Variants in CDC42SE2 observed in about 807,000 individuals in gnomAD.
CDC42SE2 encodes the protein CDC42 small effector 2.
A neutral mutation model predicts 11.5 loss-of-function variants in CDC42SE2; 3 were observed. That is an observed-to-expected ratio of 0.26 (90% confidence interval 0.12 to 0.67). The LOEUF (loss-of-function observed/expected upper bound fraction) is 0.67, where lower values mean the gene tolerates loss of function less well. Among genes scored for constraint, CDC42SE2 ranks in the 30% least tolerant of loss-of-function variants. CDC42SE2 has a pLI of 0.80. For synonymous variants in CDC42SE2, 33 were observed against 34.8 expected, an observed-to-expected ratio of 0.95 and a Z score of 0.18; for missense variants, 82 against 106.8, an observed-to-expected ratio of 0.77 and a Z score of 1.02.
intron 4 of CDC42SE2, among the ~76,000 whole-genome samples, chr5:131,390,769 G>C (rs933800537): frequency 6.6e-6 from 1 of 152,160 alleles, no homozygotes; most frequent in Admixed American, 6.6e-5. Context: ...TTGTAATTTG[G>C]AAATAGAGAA....
chr5:131,260,523 T>C (rs1297718668), upstream of CDC42SE2, among the ~76,000 whole-genome samples: 2 of 147,462 alleles, frequency 1.4e-5, no homozygotes, highest in Non-Finnish European at 3.0e-5. Flanking sequence ...CTCAGGAGGC[T>C]GAAGGAGGAG....
At chr5:131,365,793 T>C (rs566049714) in intron 3 of CDC42SE2, among the ~76,000 whole-genome samples, 14 of 152,186 alleles carry the variant, frequency 9.2e-5, no homozygotes, top group Admixed American at 7.9e-4. Flanking sequence ...CCATCCTGGC[T>C]AATGTGGTGA....
chr5:131,357,178 G>A (rs1749576218), intron 2 of CDC42SE2, among the ~76,000 whole-genome samples: 1 of 152,188 alleles, frequency 6.6e-6, no homozygotes, highest in Non-Finnish European at 1.5e-5. Flanking sequence ...GATAAGGAAT[G>A]TTCATCTCTG....
chr5:131,379,246 C>G (rs1467795137), intron 3 of CDC42SE2, among the ~76,000 whole-genome samples: 1 of 152,186 alleles, frequency 6.6e-6, no homozygotes, highest in Non-Finnish European at 1.5e-5. Flanking sequence ...CACTCTGTAT[C>G]TGCTTCTAGA....
At chr5:131,349,396 G>T (rs1453707901) in intron 2 of CDC42SE2, among the ~76,000 whole-genome samples, 1 of 151,896 alleles carries the variant, frequency 6.6e-6, no homozygotes, top group Non-Finnish European at 1.5e-5. Flanking sequence ...TGTAAATGAT[G>T]AGTTAACGAG....
intron 1 of CDC42SE2, among the ~76,000 whole-genome samples, chr5:131,293,382 C>T (rs888381022): frequency 2.6e-5 from 4 of 152,018 alleles, no homozygotes; most frequent in African/African-American, 9.7e-5. Context: ...GACTAGCCTG[C>T]CCAACATGGT....
rs1289207331 is a variant in CDC42SE2 at position 131,391,104 on chromosome 5, C to A, written c.*13C>A. ...GAAGGCGGGATAGCCCTGGTCCTTT[C>A]TCCAGTGAGTACTCAGAGCTGGGGT... On this transcript the variant is annotated 3_prime_UTR_variant, in exon 5 of 5. Coordinates refer to ENST00000505065, the MANE Select transcript of CDC42SE2 (RefSeq NM_001375635.1). 5 of 1,601,036 alleles carry A rather than the reference C, an allele frequency of 3.1e-6. No individual in the cohort carries two copies. The highest frequency in any genetic ancestry group is 2.7e-5 in the African/African-American group (2 of 74,612).
At chr5:131,322,730 T>TACAA (rs1221735513) in intron 2 of CDC42SE2, among the ~76,000 whole-genome samples, 2 of 152,200 alleles carry the variant, frequency 1.3e-5, no homozygotes, top group African/African-American at 4.8e-5. Context: ...ACCTCTTGGC[T>TACAA]GTTGTGCTAC....
chr5:131,375,590 T>C (rs1750129237), intron 3 of CDC42SE2, among the ~76,000 whole-genome samples: 1 of 152,212 alleles, frequency 6.6e-6, no homozygotes, highest in African/African-American at 2.4e-5. Context: ...GGCATTCCAG[T>C]GAGTGAGCTA....
the CDC42SE2 span, among the ~76,000 whole-genome samples, chr5:131,219,451 C>T: frequency 6.6e-6 from 1 of 152,122 alleles, no homozygotes; most frequent in African/African-American, 2.4e-5. Flanking sequence ...AAAATTCTGA[C>T]CCTTTAAACT....
chr5:131,214,691 C>T, the CDC42SE2 span, among the ~76,000 whole-genome samples: 1 of 152,112 alleles, frequency 6.6e-6, no homozygotes, highest in East Asian at 1.9e-4. Flanking sequence ...GGGCCTGGAG[C>T]TGAAATAGCC....
rs148479110 is a variant in CDC42SE2 at position 131,292,728 on chromosome 5, C to G, written c.-454-23248C>G. The stretch of plus-strand genomic sequence containing the variant: ...TGAGAAATATGGCAAAACCCCATCT[C>G]TACCAAAAAAATAAAAATAATAATA... On this transcript the variant is annotated intron_variant, in intron 1 of 4. Transcript: ENST00000505065. Among the ~76,000 whole-genome samples, 13 of 150,628 alleles carry G rather than the reference C, an allele frequency of 8.6e-5. No homozygotes were observed. The East Asian group carries it at 2.5e-3, about 29-fold the overall frequency.
intron 2 of CDC42SE2, among the ~76,000 whole-genome samples, chr5:131,351,232 G>C (rs1232371527): frequency 1.3e-5 from 2 of 151,884 alleles, no homozygotes; most frequent in African/African-American, 4.8e-5. Flanking sequence ...TTATAGGCGT[G>C]AACCACCAAG....
intron 1 of CDC42SE2, among the ~76,000 whole-genome samples, chr5:131,267,804 A>G (rs562214223): frequency 1.3e-5 from 2 of 152,276 alleles, no homozygotes; most frequent in Admixed American, 6.5e-5. Flanking sequence ...GGGTTTATTT[A>G]GGTTCCTCAT....
intron 3 of CDC42SE2, among the ~76,000 whole-genome samples, chr5:131,384,218 T>TATC (rs1561437614): frequency 1.3e-5 from 2 of 152,080 alleles, no homozygotes; most frequent in Non-Finnish European, 2.9e-5. Flanking sequence ...TTGTTGTTTC[T>TATC]ATCTATGACA....
At chr5:131,254,415 G>A (rs1046457718) in intron 1 of CDC42SE2, among the ~76,000 whole-genome samples, 2 of 151,908 alleles carry the variant, frequency 1.3e-5, no homozygotes, top group African/African-American at 2.4e-5. Context: ...GGTAGCCAGC[G>A]CCTGTAATCC....
chr5:131,240,574 A>G (rs1214521201), upstream of CDC42SE2, among the ~76,000 whole-genome samples: 1 of 152,174 alleles, frequency 6.6e-6, no homozygotes, highest in Non-Finnish European at 1.5e-5. Flanking sequence ...ACATCCTTGC[A>G]TTGTGAGATC....
chr5:131,374,139 A>G (rs1194210816), intron 3 of CDC42SE2, among the ~76,000 whole-genome samples: 25 of 152,144 alleles, frequency 1.6e-4, no homozygotes, highest in Admixed American at 1.6e-3. Flanking sequence ...AAAACAAAAA[A>G]CAGTAGTCTC....
intron 1 of CDC42SE2, among the ~76,000 whole-genome samples, chr5:131,295,656 T>A (rs1757556123): frequency 6.6e-6 from 1 of 152,072 alleles, no homozygotes; most frequent in South Asian, 2.1e-4. Flanking sequence ...ACAGGATGAT[T>A]TGTGGACAGA....
Sources: allele counts gnomAD v4.1 joint callset (sites outside exome capture counted in the v4.1 genomes callset), GRCh38; gene constraint gnomAD v4.1.1; transcripts MANE v1.5; gene names NCBI Gene and HGNC (gene_info 2026-07-23, HGNC 2026-07-21).